PAAF1: variants seen among roughly 807,000 people sequenced by gnomAD.
PAAF1 encodes the protein proteasomal ATPase associated factor 1.
In PAAF1, 46 loss-of-function variants were observed where a neutral mutation model predicts 52.8. That is an observed-to-expected ratio of 0.87 (90% CI 0.69 to 1.11). The LOEUF (loss-of-function observed/expected upper bound fraction) is 1.11. Among genes scored for constraint, PAAF1 ranks in the 50% most tolerant of loss-of-function variants. The pLI is 0.00. For synonymous variants in PAAF1, 178 were observed against 172.8 expected, an observed-to-expected ratio of 1.03 and a Z score of -0.24; for missense variants, 424 against 477.4, an observed-to-expected ratio of 0.89 and a Z score of 1.04.
intron 4 of PAAF1, among the ~76,000 whole-genome samples, chr11:73,892,325 C>CAAAAAAAAAAAAAA (rs150332375): frequency 1.2e-5 from 1 of 81,820 alleles, no homozygotes; most frequent in African/African-American, 4.2e-5. Context: ...ACTGTCTCAC[C>CAAAAAAAAAAAAAA]AAAAAAAAAA....
At chr11:73,911,863 GC>G (rs1430904290) in intron 7 of PAAF1, among the ~76,000 whole-genome samples, 1 of 151,642 alleles carries the variant, frequency 6.6e-6, no homozygotes, top group African/African-American at 2.4e-5. Flanking sequence ...TGAACTTCTG[GC>G]CTCAAGTGAT....
At chr11:73,914,079 C>G (rs745532906) in intron 7 of PAAF1, among the ~76,000 whole-genome samples, 15 of 152,152 alleles carry the variant, frequency 9.9e-5, no homozygotes, top group Non-Finnish European at 1.9e-4. Context: ...TACACACACA[C>G]ACAGGCACAT....
At chr11:73,909,995 A>T (rs1949884490) in intron 7 of PAAF1, among the ~76,000 whole-genome samples, 1 of 152,256 alleles carries the variant, frequency 6.6e-6, no homozygotes, top group Admixed American at 6.5e-5. Context: ...GTTGGGCCTC[A>T]TTCAGAGCCA....
chr11:73,896,805 C>CTAT (rs1338986820), intron 4 of PAAF1, among the ~76,000 whole-genome samples: 1 of 152,188 alleles, frequency 6.6e-6, no homozygotes, highest in Middle Eastern at 3.2e-3. Context: ...TCTCAATGAG[C>CTAT]TGTTGGGTAC....
chr11:73,880,712 AAAAAAGCCAGGCACAGC>A (rs2135122081), intron 2 of PAAF1: 1 of 144,026 alleles, frequency 6.9e-6, no homozygotes, highest in South Asian at 2.2e-4. Context: ...AAAAAAAAAA[AAAAAAGCCAGGCACAGC>A]AGCTCACGCC....
chr11:73,924,702 A>G lies in PAAF1; in HGVS notation c.1101+5A>G, dbSNP rs1218962231. The G allele has an allele frequency of 2.5e-6, 4 of 1,612,798 alleles. No individual in the cohort carries two copies. The highest frequency in any genetic ancestry group is 3.4e-6 in the Non-Finnish European group (4 of 1,178,948). The stretch of plus-strand genomic sequence containing the variant: ...GACTGTGACCCTGTGTACAAGGTAC[A>G]GGCCTGAGACGACACCAGACCTGGG... On this transcript the variant is annotated splice_donor_5th_base_variant and intron_variant, in intron 11 of 11. Coordinates refer to ENST00000310571, the MANE Select transcript of PAAF1 (RefSeq NM_025155.3).
At chr11:73,908,732 T>G (rs571540597) in intron 6 of PAAF1, among the ~76,000 whole-genome samples, 1 of 151,778 alleles carries the variant, frequency 6.6e-6, no homozygotes, top group African/African-American at 2.4e-5. Flanking sequence ...TTAGCTTAGG[T>G]GTCAACTTTT....
chr11:73,901,870 CT>C lies in PAAF1; in HGVS notation c.532+1469del, dbSNP rs35218096. Among the ~76,000 whole-genome samples, 1,093 of 128,178 alleles carry C rather than the reference CT, an allele frequency of 8.5e-3. 8 individuals are homozygous for C. Among genetic ancestry groups the C allele is most frequent in the African/African-American group, 0.02 (683 of 33,974 alleles). The allele number at this position is 128,178 out of a possible 152,430, so 84.1% of individuals were successfully genotyped here. A position where few individuals can be genotyped will look rare whatever the true frequency, so the allele number is the denominator to read the frequency against. Reference sequence around the variant, plus strand: ...ACAGGCATTAGCCACTGCGCCTTGCCTTTTTTTTTTTTTTTTTTTAGTTTCG... The same window carrying C: ...ACAGGCATTAGCCACTGCGCCTTGCCTTTTTTTTTTTTTTTTTTAGTTTCG... On this transcript the variant is annotated intron_variant, in intron 6 of 11. Transcript: ENST00000310571.
At chr11:73,909,833 A>AT (rs1451279640) in intron 7 of PAAF1, among the ~76,000 whole-genome samples, 2 of 152,212 alleles carry the variant, frequency 1.3e-5, no homozygotes, top group African/African-American at 4.8e-5. Context: ...GATGAGATAA[A>AT]TGCCTATAAA....
intron 2 of PAAF1, among the ~76,000 whole-genome samples, chr11:73,884,833 C>T (rs1949014694): frequency 6.6e-6 from 1 of 151,956 alleles, no homozygotes; most frequent in East Asian, 1.9e-4. Context: ...ATGAATCCTT[C>T]CTTCTTGTTC....
intron 2 of PAAF1, 42 bp from the exon 3 acceptor site, chr11:73,887,312 T>C (rs753949097): frequency 1.4e-6 from 2 of 1,454,178 alleles, no homozygotes; most frequent in South Asian, 2.5e-5. Context: ...AAATAATAAA[T>C]TTTTCTTATT....
intron 7 of PAAF1, among the ~76,000 whole-genome samples, chr11:73,911,759 G>A (rs1236709396): frequency 1.3e-5 from 2 of 151,302 alleles, no homozygotes; most frequent in Admixed American, 6.6e-5. Context: ...TCAGCCTCCC[G>A]AGTAGCTGGG....
intron 10 of PAAF1, among the ~76,000 whole-genome samples, chr11:73,919,840 T>G (rs117784517): frequency 3.3e-5 from 5 of 152,168 alleles, no homozygotes; most frequent in Admixed American, 2.6e-4. Context: ...TGGGCTGTTA[T>G]TTACAGAACA....
intron 4 of PAAF1, among the ~76,000 whole-genome samples, chr11:73,893,495 G>T (rs901588379): frequency 2.0e-5 from 3 of 152,102 alleles, no homozygotes; most frequent in Admixed American, 2.0e-4. Flanking sequence ...CCAGCACTTT[G>T]GGAGGCCGAG....
chr11:73,927,190 C>A, intron 11 of PAAF1, 95 bp from the exon 12 acceptor site: 1 of 913,256 alleles, frequency 1.1e-6, no homozygotes, highest in Non-Finnish European at 1.8e-6. Context: ...CCTTCTCAGA[C>A]TCCATGGGAC....
intron 3 of PAAF1, among the ~76,000 whole-genome samples, chr11:73,890,860 G>A: frequency 6.6e-6 from 1 of 152,234 alleles, no homozygotes; most frequent in Non-Finnish European, 1.5e-5. Flanking sequence ...GTCTTCTGTG[G>A]AGCAGCTTAT....
intron 6 of PAAF1, among the ~76,000 whole-genome samples, chr11:73,905,652 T>C (rs1423690952): frequency 6.6e-6 from 1 of 151,982 alleles, no homozygotes; most frequent in Non-Finnish European, 1.5e-5. Context: ...ACATTATGAG[T>C]GACATTTTAT....
intron 8 of PAAF1, 21 bp downstream of exon 8, chr11:73,914,525 C>T (rs763126253): frequency 2.7e-4 from 436 of 1,608,670 alleles, no homozygotes; most frequent in Admixed American, 1.0e-3. Flanking sequence ...CCTATATGAC[C>T]TTTGAACTCT....
Position 73,928,028 on chromosome 11 carries a change from A to G in PAAF1, c.*666A>G, listed in dbSNP as rs1217470199. 1 of 152,386 alleles carries G rather than the reference A, an allele frequency of 6.6e-6. No individual in the cohort carries two copies. Among genetic ancestry groups the G allele is most frequent in the Non-Finnish European group, 1.5e-5 (1 of 68,174 alleles). 9.4% of individuals were successfully genotyped at this position (152,386 alleles called of 1,614,324 possible). The stretch of plus-strand genomic sequence containing the variant: ...TATATGTAGGTGAGGAAACTGAATC[A>G]TAAGCATTGTAAAGGCATTGGCTGT... On this transcript the variant is annotated 3_prime_UTR_variant, in exon 12 of 12. Transcript: ENST00000310571.
Sources: allele counts gnomAD v4.1 joint callset (sites outside exome capture counted in the v4.1 genomes callset), GRCh38; gene constraint gnomAD v4.1.1; transcripts MANE v1.5; gene names NCBI Gene and HGNC (gene_info 2026-07-23, HGNC 2026-07-21).